The following VIPAS39 variants were observed in gnomAD, a reference collection of about 807,000 sequenced individuals.
VIPAS39 encodes the protein spermatogenesis-defective protein 39 homolog.
A neutral mutation model predicts 84.7 loss-of-function variants in VIPAS39; 63 were observed. The observed-to-expected ratio is 0.74, with a 90% CI of 0.61 to 0.92. The LOEUF (loss-of-function observed/expected upper bound fraction) is 0.92, where lower values mean the gene tolerates loss of function less well. Ranked by LOEUF, VIPAS39 falls within the 40% of genes least tolerant of loss-of-function variation. The pLI is 0.00. For missense variants in VIPAS39, 499 were observed against 604.5 expected (o/e 0.83, Z 1.83); for synonymous variants, 192 against 216.5 (o/e 0.89, Z 0.99).
intron 5 of VIPAS39, 65 bp from the exon 6 acceptor site, chr14:77,449,422 T>C: frequency 1.3e-6 from 2 of 1,588,572 alleles, no homozygotes; most frequent in Non-Finnish European, 1.7e-6. Flanking sequence ...TCCTTCCCTC[T>C]ACTTCTTCGT....
chr14:77,436,863 T>C (rs2078621010), intron 12 of VIPAS39, among the ~76,000 whole-genome samples: 1 of 152,216 alleles, frequency 6.6e-6, no homozygotes. Flanking sequence ...ATATATCTTT[T>C]AGAAAGTGCT....
At position 77,427,488 on chromosome 14, in the gene VIPAS39, A is replaced by G; in HGVS notation, c.*128T>C. 9.2e-7 allele frequency: 1 copy of G among 1,088,512 alleles called. No homozygotes were observed. Among genetic ancestry groups the G allele is most frequent in the Non-Finnish European group, 1.4e-6 (1 of 710,548 alleles). 67.4% of individuals were successfully genotyped at this position (1,088,512 alleles called of 1,614,324 possible). On this transcript the variant is annotated 3_prime_UTR_variant, in exon 20 of 20. Coordinates refer to ENST00000557658, the MANE Select transcript of VIPAS39 (RefSeq NM_001193315.2). Reference sequence around the variant, plus strand: ...GTCTGAAGTTATCTGTGTCAAGAGTAGCTGGCACTGCCCATGGGTAATGGG... The same window carrying G: ...GTCTGAAGTTATCTGTGTCAAGAGTGGCTGGCACTGCCCATGGGTAATGGG...
At chr14:77,448,785 A>G (rs1034506426) in intron 6 of VIPAS39, among the ~76,000 whole-genome samples, 3 of 152,138 alleles carry the variant, frequency 2.0e-5, no homozygotes, top group Non-Finnish European at 4.4e-5. Flanking sequence ...CCAATTGACA[A>G]AGCCAGTAGC....
At chr14:77,451,382 C>T in intron 3 of VIPAS39, 49 bp from the exon 4 acceptor site, 1 of 1,613,666 alleles carries the variant, frequency 6.2e-7, no homozygotes, top group Non-Finnish European at 8.5e-7. Context: ...ACAATAAAGC[C>T]TTGACATCCA....
At chr14:77,452,644 G>A (rs1418413513) in intron 3 of VIPAS39, among the ~76,000 whole-genome samples, 2 of 151,896 alleles carry the variant, frequency 1.3e-5, no homozygotes, top group Non-Finnish European at 2.9e-5. Flanking sequence ...GCCAGGCATG[G>A]TGGTTGGCAC....
intron 7 of VIPAS39, among the ~76,000 whole-genome samples, chr14:77,444,743 T>C (rs1038105796): frequency 4.0e-5 from 6 of 151,620 alleles, no homozygotes; most frequent in African/African-American, 1.5e-4. Context: ...CGGCTAATTT[T>C]TTTTTAGTAA....
chr14:77,447,571 G>A (rs2078812130), intron 7 of VIPAS39, among the ~76,000 whole-genome samples: 1 of 152,184 alleles, frequency 6.6e-6, no homozygotes, highest in African/African-American at 2.4e-5. Flanking sequence ...TCTACATGGG[G>A]AAAACAATTA....
At chr14:77,427,682 A>G in intron 19 of VIPAS39, 46 bp from the exon 20 acceptor site, 1 of 1,613,208 alleles carries the variant, frequency 6.2e-7, no homozygotes, top group Non-Finnish European at 8.5e-7. Flanking sequence ...GTTTTCACTT[A>G]TCCCTACAGC....
At chr14:77,441,115 C>G in intron 10 of VIPAS39, 22 bp from the exon 11 acceptor site, 3 of 1,612,204 alleles carry the variant, frequency 1.9e-6, no homozygotes, top group Non-Finnish European at 2.5e-6. Flanking sequence ...CAGAAGGGAG[C>G]AGGGCATTTG....
chr14:77,435,146 T>C, intron 14 of VIPAS39, 113 bp downstream of exon 14: 4 of 1,542,288 alleles, frequency 2.6e-6, no homozygotes, highest in Non-Finnish European at 1.8e-6. Flanking sequence ...TCCAGGTGGA[T>C]TTCTGAGAAC....
chr14:77,435,427 AAAC>A (rs5809829), intron 13 of VIPAS39, 34 bp from the exon 14 acceptor site: 1 of 1,611,176 alleles, frequency 6.2e-7, no homozygotes, highest in Admixed American at 1.7e-5. Flanking sequence ...AAAAAAAAAA[AAAC>A]AATGTCCATG....
chr14:77,452,106 T>C (rs2139886340), intron 3 of VIPAS39, among the ~76,000 whole-genome samples: 1 of 152,202 alleles, frequency 6.6e-6, no homozygotes, highest in South Asian at 2.1e-4. Context: ...GGTAAACCCA[T>C]ACAATTTAAT....
At chr14:77,452,954 T>C (rs1022626341) in intron 3 of VIPAS39, among the ~76,000 whole-genome samples, 1 of 152,094 alleles carries the variant, frequency 6.6e-6, no homozygotes, top group African/African-American at 2.4e-5. Flanking sequence ...TCACCTGCAG[T>C]GTTTATTAAA....
At chr14:77,437,704 G>T in intron 12 of VIPAS39, 104 bp downstream of exon 12, 1 of 1,208,734 alleles carries the variant, frequency 8.3e-7, no homozygotes, top group Non-Finnish European at 1.2e-6. Flanking sequence ...ATGATTCATT[G>T]TTAGCCCTCC....
At chr14:77,454,822 C>A (rs2078937498) in intron 1 of VIPAS39, among the ~76,000 whole-genome samples, 1 of 152,058 alleles carries the variant, frequency 6.6e-6, no homozygotes, top group Non-Finnish European at 1.5e-5. Flanking sequence ...CAAGGAAGAG[C>A]AATCAGAACA....
chr14:77,441,065 C>T lies in VIPAS39; in HGVS notation c.762+1G>A. The T allele has an allele frequency of 6.2e-7, 1 of 1,613,536 alleles. No individual in the cohort carries two copies. Among genetic ancestry groups the T allele is most frequent in the Non-Finnish European group, 8.5e-7 (1 of 1,179,616 alleles). ...CCAACTGAAACAAAGGCCACACTTA[C>T]CGCAAGCTCTTCTGTTCTATCTAGG... On this transcript the variant is annotated splice_donor_variant, in intron 11 of 19. Coordinates refer to ENST00000557658, the MANE Select transcript of VIPAS39 (RefSeq NM_001193315.2). LOFTEE classifies it high-confidence loss of function.
At chr14:77,436,826 G>A (rs2139784108) in intron 12 of VIPAS39, among the ~76,000 whole-genome samples, 1 of 152,288 alleles carries the variant, frequency 6.6e-6, no homozygotes, top group Admixed American at 6.5e-5. Context: ...AAGAATAGAA[G>A]CCAGATTTTA....
At chr14:77,455,147 A>G (rs1202834175) in intron 1 of VIPAS39, among the ~76,000 whole-genome samples, 2 of 152,216 alleles carry the variant, frequency 1.3e-5, no homozygotes, top group Admixed American at 6.5e-5. Context: ...TATAACTACT[A>G]TAAAATTCAA....
intron 10 of VIPAS39, 196 bp from the exon 11 acceptor site, chr14:77,441,289 T>C: frequency 1.7e-6 from 1 of 580,074 alleles, no homozygotes; most frequent in Non-Finnish European, 3.1e-6. Flanking sequence ...AAGAAGGTAC[T>C]GCAAGGAACT....
Sources: allele counts gnomAD v4.1 joint callset (sites outside exome capture counted in the v4.1 genomes callset), GRCh38; gene constraint gnomAD v4.1.1; transcripts MANE v1.5; gene names NCBI Gene and HGNC (gene_info 2026-07-23, HGNC 2026-07-21).